Variants in CXXC5 observed in about 807,000 individuals in gnomAD.
CXXC5 encodes the protein CXXC-type zinc finger protein 5.
CXXC5 carries 2 observed loss-of-function variants against 17.6 expected under a neutral mutation model. That is an observed-to-expected ratio of 0.11 (90% CI 0.05 to 0.36). CXXC5 has a LOEUF of 0.36. Ranked by LOEUF, CXXC5 falls within the 10% of genes least tolerant of loss-of-function variation. The pLI is 1.00. For missense variants in CXXC5, 343 were observed against 458.3 expected, an observed-to-expected ratio of 0.75 and a Z score of 2.30; for synonymous variants, 171 against 193.0, an observed-to-expected ratio of 0.89 and a Z score of 0.94.
chr5:139,662,084 T>TGACA (rs1288044061), intron 1 of CXXC5, among the ~76,000 whole-genome samples: 1 of 113,818 alleles, frequency 8.8e-6, no homozygotes, highest in Non-Finnish European at 1.7e-5. Flanking sequence ...CCTTGGGAGG[T>TGACA]GACAGGGTGT....
Position 139,683,004 on chromosome 5 carries a change from T to C in CXXC5, c.*97T>C. 9.4e-7 allele frequency: 1 copy of C among 1,059,172 alleles called. No homozygotes were observed. The highest frequency in any genetic ancestry group is 1.3e-6 in the Non-Finnish European group (1 of 777,674). The allele number at this position is 1,059,172 out of a possible 1,614,324, so 65.6% of individuals were successfully genotyped here. ...GCGAAGACAAACGGATGCACCCGTC[T>C]TTAGAACCAAAAATATTCTCTCACA... On this transcript the variant is annotated 3_prime_UTR_variant, in exon 3 of 3. Transcript: ENST00000302517.
chr5:139,682,428 CACAT>C (rs1197595079), intron 2 of CXXC5, among the ~76,000 whole-genome samples: 1 of 151,588 alleles, frequency 6.6e-6, no homozygotes, highest in Non-Finnish European at 1.5e-5. Context: ...CATGCACACA[CACAT>C]AGACACGGCC....
chr5:139,655,755 T>G, intron 1 of CXXC5, among the ~76,000 whole-genome samples: 1 of 20,254 alleles, frequency 4.9e-5, no homozygotes, highest in African/African-American at 2.1e-4. Flanking sequence ...TCCTGCCCCC[T>G]CCCCCACCAG....
Position 139,668,395 on chromosome 5 carries a change from C to T in CXXC5, c.-160-11969C>T, listed in dbSNP as rs1398337711. On this transcript the variant is annotated intron_variant, in intron 1 of 2. Transcript: ENST00000302517. The surrounding 1 kb of genome is among the most constrained non-coding windows in gnomAD (Gnocchi z 4.1). ...CGGACGCGGACGTGCCTGCGCGGCT[C>T]TGGCGGCCGCGTCTGCCGCCCCGGC... Among the ~76,000 whole-genome samples the T allele has an allele frequency of 6.6e-6, 1 of 152,002 alleles. No homozygotes were observed. Among genetic ancestry groups the T allele is most frequent in the Non-Finnish European group, 1.5e-5 (1 of 67,958 alleles).
chr5:139,675,314 C>G (rs1037608152), intron 1 of CXXC5: 1 of 152,234 alleles, frequency 6.6e-6, no homozygotes, highest in Non-Finnish European at 1.5e-5. Flanking sequence ...CTTTCTGGCC[C>G]GAGAGTTCAA....
At position 139,682,980 on chromosome 5, in the gene CXXC5, C is replaced by T. The variant is rs569711739; in HGVS notation, c.*73C>T. 17 of 1,351,708 alleles carry T rather than the reference C, an allele frequency of 1.3e-5. No individual in the cohort carries two copies. The East Asian group carries it at 3.3e-4, about 26-fold the overall frequency. The allele number at this position is 1,351,708 out of a possible 1,614,324, so 83.7% of individuals were successfully genotyped here. On this transcript the variant is annotated 3_prime_UTR_variant, in exon 3 of 3. Coordinates refer to ENST00000302517, the MANE Select transcript of CXXC5 (RefSeq NM_016463.9). ...TGTGGTCTCCAGCAAGGGATTCGGG[C>T]GAAGACAAACGGATGCACCCGTCTT...
chr5:139,676,914 C>A (rs1367086784), intron 1 of CXXC5, among the ~76,000 whole-genome samples: 1 of 151,604 alleles, frequency 6.6e-6, no homozygotes, highest in Non-Finnish European at 1.5e-5. Flanking sequence ...ATGATTCTGT[C>A]CCCACCACCT....
chr5:139,648,365 G>A lies in CXXC5; in HGVS notation c.-641G>A. On this transcript the variant is annotated 5_prime_UTR_variant, in exon 1 of 3. Coordinates refer to ENST00000302517, the MANE Select transcript of CXXC5 (RefSeq NM_016463.9). The stretch of plus-strand genomic sequence containing the variant: ...GCGCGCGGCGGCGGCGGCAGAGGCG[G>A]CTGAGCCTGAGCGGGGATGTAGAGG... 1 of 158,832 alleles carries A rather than the reference G, an allele frequency of 6.3e-6. No homozygotes were observed. The highest frequency in any genetic ancestry group is 1.4e-5 in the Non-Finnish European group (1 of 72,996). The allele number at this position is 158,832 out of a possible 1,614,324, so 9.8% of individuals were successfully genotyped here.
At chr5:139,672,152 T>A (rs752741548) in intron 1 of CXXC5, among the ~76,000 whole-genome samples, 8 of 152,180 alleles carry the variant, frequency 5.3e-5, no homozygotes, top group Non-Finnish European at 1.2e-4. Context: ...AGTTTTGCTC[T>A]TGTTGCCCAG....
chr5:139,647,321 G>C (rs1206103273), upstream of CXXC5: 1 of 152,186 alleles, frequency 6.6e-6, no homozygotes, highest in Non-Finnish European at 1.5e-5. Flanking sequence ...TCGCCTCGCA[G>C]AGGAAGGTCG....
At position 139,658,126 on chromosome 5, in the gene CXXC5, T is replaced by TA. The variant is rs1353675191; in HGVS notation, c.-161+9281_-161+9282insA. On this transcript the variant is annotated intron_variant, in intron 1 of 2. Coordinates refer to ENST00000302517, the MANE Select transcript of CXXC5 (RefSeq NM_016463.9). The surrounding 1 kb of genome is among the most constrained non-coding windows in gnomAD (Gnocchi z 4.1). ...CAGCCCCTCTCCTGCCTGACCCACC[T>TA]CCCCCAGAACTAGATGGGAAATTAG... Among the ~76,000 whole-genome samples the TA allele has an allele frequency of 6.6e-6, 1 of 151,464 alleles. No individual in the cohort carries two copies. The highest frequency in any genetic ancestry group is 1.5e-5 in the Non-Finnish European group (1 of 67,888).
At chr5:139,651,007 A>C (rs1755143740) in intron 1 of CXXC5, 1 of 152,094 alleles carries the variant, frequency 6.6e-6, no homozygotes, top group Non-Finnish European at 1.5e-5. Context: ...CCCTGGGAAG[A>C]GATGGGAACA....
chr5:139,681,465 G>T lies in CXXC5; in HGVS notation c.924+18G>T, dbSNP rs1414448388. Reference sequence around the variant, plus strand: ...CTCTGGAGGTAACGGCGCCTTAGAGGGAGGTGTGTGGGCTCTTGTGTCTGT... The same window carrying T: ...CTCTGGAGGTAACGGCGCCTTAGAGTGAGGTGTGTGGGCTCTTGTGTCTGT... On this transcript the variant is annotated intron_variant, in intron 2 of 2. Coordinates refer to ENST00000302517, the MANE Select transcript of CXXC5 (RefSeq NM_016463.9). 6.5e-7 allele frequency: 1 copy of T among 1,540,866 alleles called. No homozygotes were observed. The highest frequency in any genetic ancestry group is 8.8e-7 in the Non-Finnish European group (1 of 1,141,486).
At chr5:139,656,785 C>T (rs912498832) in intron 1 of CXXC5, among the ~76,000 whole-genome samples, 7 of 152,242 alleles carry the variant, frequency 4.6e-5, no homozygotes, top group East Asian at 1.9e-4. Context: ...AGTGCAATGG[C>T]GCCATCTTGA....
In CXXC5 at chr5:139,681,232, A is replaced by T; in HGVS notation, c.709A>T (p.Met237Leu). The stretch of plus-strand genomic sequence containing the variant: ...GTTCCTGGCCGAGAGCGCGCTGCAC[A>T]TGGCGGGCCTGGCTGAGTACCCCAT... ...GVFLAESALH[M>L]AGLAEYPMQG... is the part of the protein sequence containing the mutation. Residue 237 changes from methionine to leucine, a missense_variant, in exon 2 of 3, where the codon ATG becomes TTG. Met to Leu is a conservative substitution (Grantham distance 15, BLOSUM62 2). Transcript: ENST00000302517. The T allele has an allele frequency of 6.2e-7, 1 of 1,612,156 alleles. No individual in the cohort carries two copies. Among genetic ancestry groups the T allele is most frequent in the Middle Eastern group, 1.7e-4 (1 of 6,060 alleles).
chr5:139,669,603 G>C (rs1561541163), intron 1 of CXXC5, among the ~76,000 whole-genome samples: 1 of 152,080 alleles, frequency 6.6e-6, no homozygotes, highest in Non-Finnish European at 1.5e-5. Context: ...CAAGTGATGT[G>C]GCCACACTCA....
At chr5:139,673,860 G>A (rs952791274) in intron 1 of CXXC5, among the ~76,000 whole-genome samples, 2 of 150,458 alleles carry the variant, frequency 1.3e-5, no homozygotes, top group Non-Finnish European at 3.0e-5. Context: ...AAAAAAGAGA[G>A]AGAGAAAACA....
chr5:139,653,132 C>A (rs1278480979), intron 1 of CXXC5, among the ~76,000 whole-genome samples: 1 of 152,216 alleles, frequency 6.6e-6, no homozygotes, highest in African/African-American at 2.4e-5. Flanking sequence ...ACCCCTACAC[C>A]CCTTCCCTCC....
intron 2 of CXXC5, among the ~76,000 whole-genome samples, chr5:139,682,318 C>CCCCCAACCCCAG (rs1757281543): frequency 1.7e-5 from 2 of 118,760 alleles, no homozygotes; most frequent in Non-Finnish European, 3.6e-5. Context: ...TGGTTACCCT[C>CCCCCAACCCCAG]CCCCAACCCC....
Sources: gnomAD v4.1 joint callset for allele counts (sites outside exome capture counted in the v4.1 genomes callset) on GRCh38, gnomAD v4.1.1 for gene constraint, Gnocchi (gnomAD v3.1) non-coding constraint, MANE v1.5 for transcripts, NCBI Gene and HGNC (gene_info 2026-07-23, HGNC 2026-07-21) for gene names.